DZIP1: variants seen among roughly 807,000 people sequenced by gnomAD.
DZIP1 encodes the protein DAZ interacting zinc finger protein 1, also known as cilium assembly protein DZIP1.
DZIP1 carries 97 observed loss-of-function variants against 107.6 expected under a neutral mutation model. That is an observed-to-expected ratio of 0.90 (90% confidence interval 0.77 to 1.07). The LOEUF is 1.07. DZIP1 is among the 50% of genes least tolerant of loss of function. The pLI is 0.00. For missense variants in DZIP1, 1,035 were observed against 1,063.6 expected (o/e 0.97, Z 0.37); for synonymous variants, 390 against 386.4 (o/e 1.01, Z -0.11).
At chr13:95,638,961 G>A (rs371036263) in intron 5 of DZIP1, among the ~76,000 whole-genome samples, 15 of 152,296 alleles carry the variant, frequency 9.8e-5, no homozygotes, top group African/African-American at 3.6e-4. Flanking sequence ...TCACATGATA[G>A]CAGTCATATG....
At chr13:95,619,998 A>G (rs1334557466) in intron 9 of DZIP1, 51 bp from the exon 10 acceptor site, 1 of 1,592,616 alleles carries the variant, frequency 6.3e-7, no homozygotes, top group East Asian at 2.2e-5. Context: ...AATGAGATCT[A>G]TGCAATATGG....
At chr13:95,618,847 C>A (rs1015057400) in intron 10 of DZIP1, among the ~76,000 whole-genome samples, 1 of 152,100 alleles carries the variant, frequency 6.6e-6, no homozygotes, top group East Asian at 1.9e-4. Context: ...TACTAAGGTA[C>A]AAAACACAAT....
Position 95,581,652 on chromosome 13 carries a change from G to A in DZIP1, c.*582C>T, listed in dbSNP as rs1390800553. ...GCCCACGCTGGTCTTGAACTCCTGT[G>A]CTCAAGTTATCCTCCCACCTCAGCC... On this transcript the variant is annotated 3_prime_UTR_variant, in exon 23 of 23. Coordinates refer to ENST00000376829, the MANE Select transcript of DZIP1 (RefSeq NM_198968.4). 2 of 152,180 alleles carry A rather than the reference G, an allele frequency of 1.3e-5. No individual in the cohort carries two copies. The highest frequency in any genetic ancestry group is 2.9e-5 in the Non-Finnish European group (2 of 68,148). 9.4% of individuals were successfully genotyped at this position (152,180 alleles called of 1,614,324 possible).
Position 95,641,287 on chromosome 13 carries a change from C to T in DZIP1, c.597+8G>A, listed in dbSNP as rs200426307. The T allele has an allele frequency of 7.0e-5, 110 of 1,567,588 alleles. No individual in the cohort carries two copies. The highest frequency in any genetic ancestry group is 6.8e-4 in the Middle Eastern group (4 of 5,862). ...GATTATGAATCGTGCTCACACACAG[C>T]TGCCCACCTGGTAATAGTTGGCTTT... On this transcript the variant is annotated splice_region_variant and intron_variant, in intron 5 of 22. Coordinates refer to ENST00000376829, the MANE Select transcript of DZIP1 (RefSeq NM_198968.4). This position sits in a 1 kb window ranked among gnomAD's most constrained non-coding sequence, Gnocchi z 4.3.
chr13:95,635,641 G>A (rs186198879), intron 5 of DZIP1, among the ~76,000 whole-genome samples: 10 of 151,978 alleles, frequency 6.6e-5, no homozygotes, highest in African/African-American at 9.7e-5. Flanking sequence ...ATAGGCTCTC[G>A]GGCTGTGTAC....
rs145222971 is a variant in DZIP1 at position 95,584,747 on chromosome 13, G to A, written c.2513C>T (p.Pro838Leu). 1.3e-5 allele frequency: 21 copies of A among 1,613,144 alleles called. No individual in the cohort carries two copies. Among genetic ancestry groups the A allele is most frequent in the Non-Finnish European group, 1.6e-5 (19 of 1,179,650 alleles). The stretch of plus-strand genomic sequence containing the variant: ...GGAAAGCAGCAAACCTTCTCCCTTT[G>A]GCCCCTTAGGATTAAATGCGCCCCA... Reference protein sequence around the residue: ...NAWGAFNPKGPKGEGLQENES... With the variant: ...NAWGAFNPKGLKGEGLQENES... The change falls in exon 22 of 23, where the codon CCA (proline) becomes CTA (leucine). Residue 838 changes from proline to leucine, a missense_variant. Coordinates refer to ENST00000376829, the MANE Select transcript of DZIP1 (RefSeq NM_198968.4).
At chr13:95,594,293 T>G (rs1198427584) in intron 15 of DZIP1, among the ~76,000 whole-genome samples, 1 of 152,186 alleles carries the variant, frequency 6.6e-6, no homozygotes, top group Non-Finnish European at 1.5e-5. Context: ...GCTTCAAAAC[T>G]TCAGTATTTT....
intron 8 of DZIP1, among the ~76,000 whole-genome samples, chr13:95,622,831 C>A (rs1219044418): frequency 6.6e-6 from 1 of 151,862 alleles, no homozygotes; most frequent in Non-Finnish European, 1.5e-5. Flanking sequence ...CAGCCTCAAC[C>A]CCCTGGGTTC....
Position 95,589,125 on chromosome 13 carries a change from A to G in DZIP1, c.2027+29T>C, listed in dbSNP as rs778287462. 3 of 1,578,984 alleles carry G rather than the reference A, an allele frequency of 1.9e-6. No homozygotes were observed. The African/African-American group carries it at 4.1e-5, about 21-fold the overall frequency. On this transcript the variant is annotated intron_variant, in intron 19 of 22. Transcript: ENST00000376829. Reference sequence around the variant, plus strand: ...ATGTTCAGTGAAAATAATTTTTTAAATGACCCTCCCATCCCTGTCAATACT... The same window carrying G: ...ATGTTCAGTGAAAATAATTTTTTAAGTGACCCTCCCATCCCTGTCAATACT...
chr13:95,621,879 A>G (rs1333123219), intron 9 of DZIP1, among the ~76,000 whole-genome samples: 2 of 151,742 alleles, frequency 1.3e-5, no homozygotes, highest in Non-Finnish European at 2.9e-5. Context: ...TACCACGCCC[A>G]GTTAATTGAG....
intron 13 of DZIP1, among the ~76,000 whole-genome samples, chr13:95,608,057 A>G (rs547110235): frequency 6.6e-6 from 1 of 152,326 alleles, no homozygotes; most frequent in African/African-American, 2.4e-5. Context: ...CCCTGCCATC[A>G]TTAGAACCTT....
At chr13:95,616,825 C>T (rs888345794) in intron 10 of DZIP1, among the ~76,000 whole-genome samples, 5 of 152,148 alleles carry the variant, frequency 3.3e-5, no homozygotes, top group South Asian at 2.1e-4. Context: ...ACTCTGGAGA[C>T]GCAATAGCAG....
Position 95,627,379 on chromosome 13 carries a change from T to TA in DZIP1, c.811-2451dup, listed in dbSNP as rs200806113. Among the ~76,000 whole-genome samples the TA allele has an allele frequency of 4.4e-3, 670 of 152,298 alleles. 8 individuals carry two copies. The highest frequency in any genetic ancestry group is 0.015 in the African/African-American group (644 of 41,584). On this transcript the variant is annotated intron_variant, in intron 7 of 22. Transcript: ENST00000376829. ...ATTAACTCAAAATAGACCAATGACC[T>TA]AATAGAGCTAAAGTGATGAAACTAT...
Position 95,641,244 on chromosome 13 carries a change from G to T in DZIP1, c.597+51C>A. On this transcript the variant is annotated intron_variant, in intron 5 of 22. Coordinates refer to ENST00000376829, the MANE Select transcript of DZIP1 (RefSeq NM_198968.4). The surrounding 1 kb of genome is among the most constrained non-coding windows in gnomAD (Gnocchi z 4.3). ...GATACGGGACAGGCCTATCAAATGG[G>T]AACTGAGTTGTTTACTGGATTATGA... 6.6e-7 allele frequency: 1 copy of T among 1,524,520 alleles called. No homozygotes were observed. The highest frequency in any genetic ancestry group is 1.3e-5 in the South Asian group (1 of 76,988). The allele number at this position is 1,524,520 out of a possible 1,614,324, so 94.4% of individuals were successfully genotyped here.
In DZIP1 at chr13:95,630,008, C is replaced by T; in HGVS notation, c.791G>A (p.Ser264Asn). ...TGGTACCTTGGAGAATCTGACTGCA[C>T]TGGCATGGTGTGCAGCCTCTAGCTC... ...RSELEAAHHASAVRFSKEYEM... is the reference protein window; with the variant it reads ...RSELEAAHHANAVRFSKEYEM... The change falls in exon 7 of 23, where the codon AGT becomes AAT. Residue 264 changes from serine to asparagine, a missense_variant. Ser to Asn is a conservative substitution (Grantham distance 46, BLOSUM62 1). Transcript: ENST00000376829. The T allele has an allele frequency of 6.2e-7, 1 of 1,609,820 alleles. No individual in the cohort carries two copies. Among genetic ancestry groups the T allele is most frequent in the Non-Finnish European group, 8.5e-7 (1 of 1,178,866 alleles).
intron 22 of DZIP1, among the ~76,000 whole-genome samples, chr13:95,582,732 T>C (rs758235251): frequency 6.6e-6 from 1 of 152,220 alleles, no homozygotes; most frequent in Non-Finnish European, 1.5e-5. Flanking sequence ...AAACATATTT[T>C]CTAGGTAGAT....
intron 20 of DZIP1, among the ~76,000 whole-genome samples, chr13:95,586,808 A>T (rs866632180): frequency 2.4e-4 from 37 of 152,158 alleles, no homozygotes; most frequent in Admixed American, 1.8e-3. Context: ...TGAATTTTTT[A>T]AAAAAATAAT....
Position 95,619,889 on chromosome 13 carries a change from C to T in DZIP1, c.1169G>A (p.Gly390Asp), listed in dbSNP as rs1169249153. Residue 390 changes from glycine to aspartate, a missense_variant, in exon 10 of 23, where the codon GGT becomes GAT. Coordinates refer to ENST00000376829, the MANE Select transcript of DZIP1 (RefSeq NM_198968.4). ...CCACTGGTTTCTTAACCTTACCCGA[C>T]CCTTCTCTTTCTTGTGTTCTTGATG... ...AIHQEHKKEKGRLLSHIEKLR... is the reference protein window; with the variant it reads ...AIHQEHKKEKDRLLSHIEKLR... 2 of 1,613,746 alleles carry T rather than the reference C, an allele frequency of 1.2e-6. No homozygotes were observed. Among genetic ancestry groups the T allele is most frequent in the African/African-American group, 1.3e-5 (1 of 74,912 alleles).
intron 10 of DZIP1, among the ~76,000 whole-genome samples, chr13:95,617,247 C>T (rs904876419): frequency 9.2e-5 from 14 of 151,828 alleles, no homozygotes; most frequent in South Asian, 2.1e-4. Context: ...CTTCCTGAAG[C>T]GGGAGAATGA....
Sources: allele counts gnomAD v4.1 joint callset (sites outside exome capture counted in the v4.1 genomes callset), GRCh38; gene constraint gnomAD v4.1.1; non-coding constraint Gnocchi (gnomAD v3.1); transcripts MANE v1.5; gene names NCBI Gene and HGNC (gene_info 2026-07-23, HGNC 2026-07-21).